Variants in DENND2A observed in about 807,000 individuals in gnomAD.
DENND2A encodes DENN domain-containing protein 2A.
A neutral mutation model predicts 105.3 loss-of-function variants in DENND2A; 53 were observed. The observed-to-expected ratio is 0.50, with a 90% confidence interval of 0.40 to 0.63. The LOEUF is 0.63. DENND2A is among the 30% of genes least tolerant of loss of function. The probability of loss-of-function intolerance (pLI) is 0.00; values close to 1 mark genes in which losing one functional copy is unlikely to be tolerated. For synonymous variants in DENND2A, 522 were observed against 508.4 expected, an observed-to-expected ratio of 1.03 and a Z score of -0.36; for missense variants, 1,138 against 1,279.6, an observed-to-expected ratio of 0.89 and a Z score of 1.69.
Position 140,546,803 on chromosome 7 carries a change from G to A in DENND2A, c.2174C>T (p.Thr725Ile), listed in dbSNP as rs775177570. Residue 725 changes from threonine to isoleucine, a missense_variant, in exon 13 of 20, where the codon ACT (threonine) becomes ATT (isoleucine). By Grantham distance (89) the Thr-to-Ile change is moderately conservative. Coordinates refer to ENST00000496613, the MANE Select transcript of DENND2A (RefSeq NM_015689.5). ...LVKNFLPGSG[T>I]EVIELCRPLD... ...GGAAGGAGTCTGACAACTCACCTCA[G>A]TTCCTGAACCTGGCAGGAAGTTCTT... is the stretch of plus-strand genomic sequence containing the variant. The A allele has an allele frequency of 6.2e-7, 1 of 1,613,970 alleles. No homozygotes were observed. Among genetic ancestry groups the A allele is most frequent in the Non-Finnish European group, 8.5e-7 (1 of 1,179,980 alleles).
chr7:140,600,323 T>C (rs749716750), intron 3 of DENND2A, among the ~76,000 whole-genome samples: 3 of 151,992 alleles, frequency 2.0e-5, no homozygotes, highest in Non-Finnish European at 4.4e-5. Flanking sequence ...GACATTGACA[T>C]TTAAAGCCAT....
chr7:140,586,366 A>AACACACACACACACACAC (rs10524571), intron 4 of DENND2A, among the ~76,000 whole-genome samples: 1 of 139,534 alleles, frequency 7.2e-6, no homozygotes, highest in African/African-American at 2.7e-5. Flanking sequence ...TAAAAAAGAA[A>AACACACACACACACACAC]ACACACACAC....
intron 2 of DENND2A, among the ~76,000 whole-genome samples, chr7:140,604,095 G>C (rs572885801): frequency 6.6e-6 from 1 of 152,216 alleles, no homozygotes; most frequent in Non-Finnish European, 1.5e-5. Flanking sequence ...TGGATGTGCC[G>C]ACATTAGCTA....
intron 10 of DENND2A, among the ~76,000 whole-genome samples, chr7:140,558,623 G>A (rs951390645): frequency 2.0e-5 from 3 of 151,340 alleles, no homozygotes; most frequent in Admixed American, 1.3e-4. Flanking sequence ...TTGAACCTAG[G>A]AGGCAGAGGT....
chr7:140,639,668 C>T (rs187915247), intron 1 of DENND2A, among the ~76,000 whole-genome samples: 1 of 152,342 alleles, frequency 6.6e-6, no homozygotes, highest in East Asian at 1.9e-4. Context: ...TTACCCCCAG[C>T]CCATTACTGT....
In DENND2A at chr7:140,585,713, G is replaced by A. The variant is rs1798754735; in HGVS notation, c.1124-3C>T. 1.2e-6 allele frequency: 2 copies of A among 1,614,184 alleles called. No homozygotes were observed. The highest frequency in any genetic ancestry group is 1.1e-5 in the South Asian group (1 of 91,076). On this transcript the variant is annotated splice_region_variant and splice_polypyrimidine_tract_variant and intron_variant, in intron 4 of 19. Transcript: ENST00000496613. ...AGGGTTCTCCTTCATTGGCGGATCT[G>A]TGTTCAAAGGCAATGTGTCAGGAAC...
chr7:140,540,104 A>C (rs1018010769), intron 14 of DENND2A, among the ~76,000 whole-genome samples: 21 of 152,210 alleles, frequency 1.4e-4, no homozygotes, highest in African/African-American at 5.1e-4. Context: ...GTACCTCTGA[A>C]AGCTGTAAAG....
intron 6 of DENND2A, among the ~76,000 whole-genome samples, chr7:140,571,349 C>T (rs956018634): frequency 5.9e-5 from 9 of 151,950 alleles, no homozygotes; most frequent in Admixed American, 2.0e-4. Flanking sequence ...TTAGTAGAGA[C>T]GGGGGTTTCA....
At chr7:140,619,370 AGTGG>A (rs1800197118) in intron 1 of DENND2A, among the ~76,000 whole-genome samples, 1 of 148,890 alleles carries the variant, frequency 6.7e-6, no homozygotes, top group Non-Finnish European at 1.5e-5. Flanking sequence ...TGAGGTTAGG[AGTGG>A]GTGGGTGGGA....
chr7:140,568,027 G>A (rs972263709), intron 8 of DENND2A, among the ~76,000 whole-genome samples: 2 of 152,052 alleles, frequency 1.3e-5, no homozygotes, highest in South Asian at 2.1e-4. Context: ...TGCAACCTCC[G>A]CCTCCCGGGT....
At chr7:140,576,003 G>A (rs1183402704) in intron 5 of DENND2A, among the ~76,000 whole-genome samples, 3 of 150,542 alleles carry the variant, frequency 2.0e-5, no homozygotes, top group Admixed American at 6.7e-5. Flanking sequence ...AAAACTTAAT[G>A]TACTGATATG....
In DENND2A at chr7:140,638,614, C is replaced by G. The variant is rs568594312; in HGVS notation, c.-248+1890G>C. Among the ~76,000 whole-genome samples the G allele has an allele frequency of 3.3e-5, 5 of 152,330 alleles. No individual in the cohort carries two copies. In the East Asian group the frequency reaches 9.6e-4, roughly 29 times the overall value. ...TTCCTTCCCTGTGCCTCTGCCCTGACAGCTCCCGCCTCACCTCTCCCCGGC... is the reference window on the plus strand; with the variant it reads ...TTCCTTCCCTGTGCCTCTGCCCTGAGAGCTCCCGCCTCACCTCTCCCCGGC... On this transcript the variant is annotated intron_variant, in intron 1 of 19. Transcript: ENST00000496613.
chr7:140,622,465 T>G (rs1187588811), intron 1 of DENND2A, among the ~76,000 whole-genome samples: 1 of 152,144 alleles, frequency 6.6e-6, no homozygotes, highest in Admixed American at 6.5e-5. Flanking sequence ...TACAGAAAAT[T>G]TATATACTCT....
chr7:140,541,388 C>T (rs1796652041), intron 14 of DENND2A, among the ~76,000 whole-genome samples: 1 of 152,092 alleles, frequency 6.6e-6, no homozygotes, highest in Non-Finnish European at 1.5e-5. Context: ...CTTCACCCCG[C>T]AGGCACGTTC....
chr7:140,567,797 T>C (rs1361395848), intron 8 of DENND2A, among the ~76,000 whole-genome samples: 1 of 152,152 alleles, frequency 6.6e-6, no homozygotes, highest in African/African-American at 2.4e-5. Context: ...GGAACTCCTG[T>C]CCACCTCCCC....
At chr7:140,617,847 G>A (rs1218570591) in intron 1 of DENND2A, among the ~76,000 whole-genome samples, 3 of 152,168 alleles carry the variant, frequency 2.0e-5, no homozygotes, top group Admixed American at 6.5e-5. Context: ...GTGACGTGCC[G>A]GATGCCAGAG....
At chr7:140,624,923 C>G (rs1253719740) in intron 1 of DENND2A, among the ~76,000 whole-genome samples, 6 of 144,896 alleles carry the variant, frequency 4.1e-5, no homozygotes, top group Non-Finnish European at 8.9e-5. Context: ...AAGGCTGGAG[C>G]GCAGTGATGT....
intron 1 of DENND2A, among the ~76,000 whole-genome samples, chr7:140,612,783 T>A (rs1429813730): frequency 6.6e-6 from 1 of 151,402 alleles, no homozygotes; most frequent in African/African-American, 2.4e-5. Flanking sequence ...ATTACAGGCA[T>A]GAGCCACTGC....
chr7:140,596,141 T>C (rs1799276208), intron 3 of DENND2A, among the ~76,000 whole-genome samples: 2 of 152,222 alleles, frequency 1.3e-5, no homozygotes, highest in South Asian at 4.1e-4. Context: ...TGTCCCTCAT[T>C]GTGGCTAATA....
Sources: allele counts gnomAD v4.1 joint callset (sites outside exome capture counted in the v4.1 genomes callset), GRCh38; gene constraint gnomAD v4.1.1; transcripts MANE v1.5; gene names NCBI Gene and HGNC (gene_info 2026-07-23, HGNC 2026-07-21).